Variants in PLPP3 observed in about 807,000 individuals in gnomAD.
PLPP3 encodes phospholipid phosphatase 3.
PLPP3 carries 6 observed loss-of-function variants against 29.6 expected under a neutral mutation model. That is an observed-to-expected ratio of 0.20 (90% CI 0.11 to 0.40). The LOEUF (loss-of-function observed/expected upper bound fraction) is 0.40, where lower values mean the gene tolerates loss of function less well. Ranked by LOEUF, PLPP3 falls within the 10% of genes least tolerant of loss-of-function variation. PLPP3 has a pLI of 1.00. For missense variants in PLPP3, 308 were observed against 407.7 expected, an observed-to-expected ratio of 0.76 and a Z score of 2.11; for synonymous variants, 152 against 159.7, an observed-to-expected ratio of 0.95 and a Z score of 0.36.
intron 2 of PLPP3, among the ~76,000 whole-genome samples, chr1:56,525,840 G>T (rs1028986520): frequency 4.6e-5 from 7 of 152,118 alleles, no homozygotes; most frequent in African/African-American, 1.7e-4. Flanking sequence ...CTTTGCAAAG[G>T]CTCCCAATAT....
intron 1 of PLPP3, among the ~76,000 whole-genome samples, chr1:56,557,851 T>C (rs1420616234): frequency 6.6e-6 from 1 of 152,178 alleles, no homozygotes; most frequent in Non-Finnish European, 1.5e-5. Context: ...GTCCTTCTTC[T>C]CTGCAAGTCC....
chr1:56,557,009 AGAG>A lies in PLPP3; in HGVS notation c.140-19900_140-19898del, dbSNP rs1385878317. Among the ~76,000 whole-genome samples the A allele has an allele frequency of 5.5e-3, 40 of 7,286 alleles. No individual in the cohort carries two copies. In the East Asian group the frequency reaches 0.067, roughly 12 times the overall value. 4.8% of individuals were successfully genotyped at this position (7,286 alleles called of 152,430 possible). On this transcript the variant is annotated intron_variant, in intron 1 of 5. Coordinates refer to ENST00000371250, the MANE Select transcript of PLPP3 (RefSeq NM_003713.5). ...AAGAAAGAAAGAAAGAAAGAAAGAA[AGAG>A]AGAGAGAGAGAGAAAGAGAGAGAGA...
chr1:56,536,736 G>A (rs1048269401), intron 2 of PLPP3, among the ~76,000 whole-genome samples: 1 of 152,154 alleles, frequency 6.6e-6, no homozygotes, highest in African/African-American at 2.4e-5. Flanking sequence ...TGTAGTCTTT[G>A]AGTACGTCAT....
intron 1 of PLPP3, among the ~76,000 whole-genome samples, chr1:56,563,987 C>T (rs1383739365): frequency 4.6e-5 from 7 of 152,226 alleles, no homozygotes; most frequent in Admixed American, 4.6e-4. Flanking sequence ...CAAATCTGAA[C>T]ACTTTACAAG....
chr1:56,574,483 T>A (rs940866666), intron 1 of PLPP3, among the ~76,000 whole-genome samples: 9 of 151,992 alleles, frequency 5.9e-5, no homozygotes, highest in African/African-American at 2.2e-4. Context: ...TCGAACTCCT[T>A]AGCTCAAGTA....
intron 1 of PLPP3, among the ~76,000 whole-genome samples, chr1:56,549,558 A>C (rs900670145): frequency 6.6e-6 from 1 of 152,156 alleles, no homozygotes; most frequent in South Asian, 2.1e-4. Context: ...AAGAGTTTTC[A>C]TCTTTATCCA....
At chr1:56,531,977 A>G (rs999922914) in intron 2 of PLPP3, among the ~76,000 whole-genome samples, 2 of 152,188 alleles carry the variant, frequency 1.3e-5, no homozygotes, top group African/African-American at 4.8e-5. Flanking sequence ...CCTAAGCATT[A>G]TGACTTCAAA....
intron 4 of PLPP3, among the ~76,000 whole-genome samples, chr1:56,521,201 C>T (rs1645817015): frequency 7.1e-6 from 1 of 140,874 alleles, no homozygotes; most frequent in Non-Finnish European, 1.5e-5. Context: ...TGCCACTGTG[C>T]TCCATCCTGA....
At chr1:56,561,137 G>T (rs1646125248) in intron 1 of PLPP3, among the ~76,000 whole-genome samples, 1 of 151,854 alleles carries the variant, frequency 6.6e-6, no homozygotes, top group Non-Finnish European at 1.5e-5. Context: ...GTGAGCCACT[G>T]CACCCGGCCC....
chr1:56,499,800 G>A (rs1210491738), intron 5 of PLPP3, among the ~76,000 whole-genome samples: 2 of 152,150 alleles, frequency 1.3e-5, no homozygotes, highest in Admixed American at 6.5e-5. Flanking sequence ...AAAAGACCTA[G>A]TAAAAGTAAA....
At chr1:56,523,993 T>C in intron 3 of PLPP3, 113 bp from the exon 4 acceptor site, 1 of 1,255,750 alleles carries the variant, frequency 8.0e-7, no homozygotes, top group African/African-American at 1.5e-5. Context: ...CTAGGCCCTG[T>C]TCATTTTTGC....
chr1:56,527,709 G>A (rs953672019), intron 2 of PLPP3, among the ~76,000 whole-genome samples: 4 of 152,008 alleles, frequency 2.6e-5, no homozygotes, highest in Admixed American at 2.0e-4. Flanking sequence ...TCAGGGAGTC[G>A]ACAACACAGC....
At position 56,561,229 on chromosome 1, in the gene PLPP3, AT is replaced by A. The variant is rs199550312; in HGVS notation, c.139+17648del. 3.1e-3 allele frequency among the ~76,000 whole-genome samples: 457 copies of A among 147,016 alleles called. 1 individual carries two copies. Among genetic ancestry groups the A allele is most frequent in the African/African-American group, 8.0e-3 (322 of 40,494 alleles). ...GCCCTAGCTTTTAGGGTAGGTTAGA[AT>A]TTTTTTTTTTTAATAGAAGCTATCA... On this transcript the variant is annotated intron_variant, in intron 1 of 5. Coordinates refer to ENST00000371250, the MANE Select transcript of PLPP3 (RefSeq NM_003713.5).
chr1:56,563,869 T>G (rs1646145500), intron 1 of PLPP3, among the ~76,000 whole-genome samples: 1 of 152,248 alleles, frequency 6.6e-6, no homozygotes. Flanking sequence ...TCAGTAAAGT[T>G]CATGCCTCTC....
At chr1:56,536,456 G>C (rs1645927469) in intron 2 of PLPP3, among the ~76,000 whole-genome samples, 2 of 152,110 alleles carry the variant, frequency 1.3e-5, no homozygotes, top group Admixed American at 6.5e-5. Flanking sequence ...TTGATTGTGT[G>C]CCTGGTTTAC....
chr1:56,553,710 G>A (rs1456600930), intron 1 of PLPP3, among the ~76,000 whole-genome samples: 2 of 152,142 alleles, frequency 1.3e-5, no homozygotes, highest in African/African-American at 4.8e-5. Context: ...GCAAGAGAAG[G>A]GCAATCTATC....
rs1311323720 is a variant in PLPP3, at chr1:56,525,181, T to C, written c.298-627A>G. Among the ~76,000 whole-genome samples, 6 of 152,340 alleles carry C rather than the reference T, an allele frequency of 3.9e-5. No homozygotes were observed. In the East Asian group the frequency reaches 9.7e-4, roughly 25 times the overall value. ...AAAAGGAGGCTGCTCACCTTTGCAG[T>C]TGTTGGTTCAAATAGGATAACATGA... On this transcript the variant is annotated intron_variant, in intron 2 of 5. Transcript: ENST00000371250.
chr1:56,530,583 T>G (rs1443279693), intron 2 of PLPP3, among the ~76,000 whole-genome samples: 1 of 152,212 alleles, frequency 6.6e-6, no homozygotes, highest in East Asian at 1.9e-4. Flanking sequence ...CTTATCCCAT[T>G]GTCCATCCGG....
chr1:56,575,664 A>T (rs1404277135), intron 1 of PLPP3, among the ~76,000 whole-genome samples: 1 of 152,222 alleles, frequency 6.6e-6, no homozygotes, highest in African/African-American at 2.4e-5. Flanking sequence ...TAAACTGAGA[A>T]CTGGGGATCA....
Sources: gnomAD v4.1 joint callset for allele counts (sites outside exome capture counted in the v4.1 genomes callset) on GRCh38, gnomAD v4.1.1 for gene constraint, MANE v1.5 for transcripts, NCBI Gene and HGNC (gene_info 2026-07-23, HGNC 2026-07-21) for gene names.